Variants in MTA1 observed in about 807,000 individuals in gnomAD.
The protein encoded by MTA1 is metastasis-associated protein MTA1.
Under a neutral mutation model 97.0 loss-of-function variants are expected in MTA1, and 15 were observed. That is an observed-to-expected ratio of 0.15 (90% CI 0.10 to 0.24). The LOEUF (loss-of-function observed/expected upper bound fraction) is 0.24. Ranked by LOEUF, MTA1 falls within the 10% of genes least tolerant of loss-of-function variation. MTA1 has a pLI of 1.00. For missense variants in MTA1, 709 were observed against 1,015.1 expected, an observed-to-expected ratio of 0.70 and a Z score of 4.10; for synonymous variants, 435 against 417.5, an observed-to-expected ratio of 1.04 and a Z score of -0.51.
intron 16 of MTA1, 138 bp downstream of exon 16, chr14:105,465,321 G>A (rs1207966583): frequency 4.4e-6 from 3 of 685,502 alleles, no homozygotes; most frequent in Non-Finnish European, 6.7e-6. Context: ...CTGTCCTTTT[G>A]GGGTACTCTG....
chr14:105,449,401 G>A lies in MTA1; in HGVS notation c.233G>A (p.Gly78Asp). The A allele has an allele frequency of 6.2e-7, 1 of 1,611,908 alleles. No homozygotes were observed. The highest frequency in any genetic ancestry group is 8.5e-7 in the Non-Finnish European group (1 of 1,179,244). ...CYKAGPGADN[G>D]EEGEIEEEME... ...AAGGCCGGACCGGGGGCGGACAACG[G>A]CGAGGAAGGTAAGAGCCGGCCTCCG... Residue 78 changes from glycine to aspartate, a missense_variant, in exon 4 of 21, where the codon GGC becomes GAC. Coordinates refer to ENST00000331320, the MANE Select transcript of MTA1 (RefSeq NM_004689.4).
chr14:105,442,281 G>A (rs781940228), intron 2 of MTA1, among the ~76,000 whole-genome samples: 41 of 152,202 alleles, frequency 2.7e-4, no homozygotes, highest in Non-Finnish European at 4.6e-4. Context: ...TCCATCTCCC[G>A]GAAGGCAGAT....
chr14:105,423,844 T>C (rs189605495), intron 1 of MTA1, among the ~76,000 whole-genome samples: 14 of 152,350 alleles, frequency 9.2e-5, no homozygotes, highest in Non-Finnish European at 1.8e-4. Flanking sequence ...TTAAAAAAAA[T>C]GTCAGATTTG....
chr14:105,466,421 G>C lies in MTA1; in HGVS notation c.1625-5G>C, dbSNP rs1210515775. The C allele has an allele frequency of 7.5e-6, 12 of 1,599,978 alleles. No homozygotes were observed. Among genetic ancestry groups the C allele is most frequent in the South Asian group, 4.5e-5 (4 of 89,682 alleles). ...AACTCGTTCTGCCTGTGTCATTCCCGGCAGAGACCCACCCCCGCCCCCCCA... is the reference window on the plus strand; with the variant it reads ...AACTCGTTCTGCCTGTGTCATTCCCCGCAGAGACCCACCCCCGCCCCCCCA... On this transcript the variant is annotated splice_polypyrimidine_tract_variant and splice_region_variant and intron_variant, in intron 16 of 20. Coordinates refer to ENST00000331320, the MANE Select transcript of MTA1 (RefSeq NM_004689.4).
rs1354433032 is a variant in MTA1 at position 105,470,319 on chromosome 14, C to T, written c.*104C>T. ...CTCAGTTTGGTAGTGCCCCACCTCCCGCCCTCACCTGCAGAGAAACGCGCT... is the reference window on the plus strand; with the variant it reads ...CTCAGTTTGGTAGTGCCCCACCTCCTGCCCTCACCTGCAGAGAAACGCGCT... On this transcript the variant is annotated 3_prime_UTR_variant, in exon 21 of 21. Coordinates refer to ENST00000331320, the MANE Select transcript of MTA1 (RefSeq NM_004689.4). 9 of 995,954 alleles carry T rather than the reference C, an allele frequency of 9.0e-6. No homozygotes were observed. In the East Asian group the frequency reaches 1.0e-4, roughly 11 times the overall value. The allele number at this position is 995,954 out of a possible 1,614,324, so 61.7% of individuals were successfully genotyped here.
chr14:105,470,327 C>A lies in MTA1; in HGVS notation c.*112C>A. ...GGTAGTGCCCCACCTCCCGCCCTCA[C>A]CTGCAGAGAAACGCGCTCCTTGGCG... is the stretch of plus-strand genomic sequence containing the variant. On this transcript the variant is annotated 3_prime_UTR_variant, in exon 21 of 21. Coordinates refer to ENST00000331320, the MANE Select transcript of MTA1 (RefSeq NM_004689.4). 5 of 934,388 alleles carry A rather than the reference C, an allele frequency of 5.4e-6. No homozygotes were observed. The South Asian group carries it at 1.0e-4, about 19-fold the overall frequency. The allele number at this position is 934,388 out of a possible 1,614,324, so 57.9% of individuals were successfully genotyped here.
At position 105,465,189 on chromosome 14, in the gene MTA1, C is replaced by A. The variant is rs1555432420; in HGVS notation, c.1624+6C>A. 1.3e-6 allele frequency: 2 copies of A among 1,513,020 alleles called. No individual in the cohort carries two copies. Among genetic ancestry groups the A allele is most frequent in the Admixed American group, 4.0e-5 (2 of 49,850 alleles). 93.7% of individuals were successfully genotyped at this position (1,513,020 alleles called of 1,614,324 possible). ...AGCCGTGCTTCGGTATCTTGGTGAG[C>A]AGCCAGGCGTGCTGGGGGGCTCCCA... is the stretch of plus-strand genomic sequence containing the variant. On this transcript the variant is annotated splice_donor_region_variant and intron_variant, in intron 16 of 20. Coordinates refer to ENST00000331320, the MANE Select transcript of MTA1 (RefSeq NM_004689.4).
chr14:105,466,815 C>T, intron 18 of MTA1, 73 bp downstream of exon 18: 1 of 1,493,214 alleles, frequency 6.7e-7, no homozygotes, highest in Middle Eastern at 2.4e-4. Context: ...GCTCTGTGTC[C>T]CCGCGGCGGG....
intron 13 of MTA1, 74 bp downstream of exon 13, chr14:105,464,221 G>A: frequency 6.6e-7 from 1 of 1,505,062 alleles, no homozygotes; most frequent in Middle Eastern, 1.8e-4. Flanking sequence ...GGCCCTGAGG[G>A]CTCCAGCATG....
chr14:105,462,428 GCA>G (rs2083391999), intron 10 of MTA1, among the ~76,000 whole-genome samples: 1 of 152,064 alleles, frequency 6.6e-6, no homozygotes, highest in African/African-American at 2.4e-5. Flanking sequence ...AATTAGTCGG[GCA>G]TGGTGGCAGG....
chr14:105,460,956 G>A lies in MTA1; in HGVS notation c.942+3G>A. On this transcript the variant is annotated splice_donor_region_variant and intron_variant, in intron 10 of 20. Coordinates refer to ENST00000331320, the MANE Select transcript of MTA1 (RefSeq NM_004689.4). ...TCACGGACATTCAGCAAGATTTTGT[G>A]AGTACCGTGGGTGGCGATGGGGGAG... 1 of 1,607,792 alleles carries A rather than the reference G, an allele frequency of 6.2e-7. No homozygotes were observed. Among genetic ancestry groups the A allele is most frequent in the Admixed American group, 1.7e-5 (1 of 59,636 alleles).
At chr14:105,468,866 C>T (rs1025485913) in intron 18 of MTA1, 3 of 278,424 alleles carry the variant, frequency 1.1e-5, no homozygotes, top group African/African-American at 6.8e-5. Context: ...GGAGCATGGA[C>T]CCCGCTTCTT....
chr14:105,421,870 G>A (rs2081848570), intron 1 of MTA1, among the ~76,000 whole-genome samples: 1 of 152,200 alleles, frequency 6.6e-6, no homozygotes. Context: ...CCCTGTGCCC[G>A]CAGGCCCGTC....
At chr14:105,469,646 C>A in intron 19 of MTA1, 148 bp downstream of exon 19, 1 of 1,208,448 alleles carries the variant, frequency 8.3e-7, no homozygotes, top group Non-Finnish European at 1.2e-6. Context: ...CATGTGGGGG[C>A]CATGGCCCCT....
intron 2 of MTA1, among the ~76,000 whole-genome samples, chr14:105,441,073 C>T (rs2082494613): frequency 6.6e-6 from 1 of 152,130 alleles, no homozygotes; most frequent in Non-Finnish European, 1.5e-5. Context: ...AGAACAGGAA[C>T]CATGGTGACA....
chr14:105,466,363 G>C, intron 16 of MTA1, 63 bp from the exon 17 acceptor site: 1 of 1,470,030 alleles, frequency 6.8e-7, no homozygotes. Flanking sequence ...CTGGAGCCTG[G>C]GCCTGCCTGC....
intron 1 of MTA1, among the ~76,000 whole-genome samples, chr14:105,425,057 GA>G (rs1427774491): frequency 6.6e-6 from 1 of 152,200 alleles, no homozygotes; most frequent in Admixed American, 6.5e-5. Context: ...GATGCCAGAG[GA>G]GGTGCCGTGT....
rs1333207835 is a variant in MTA1, at chr14:105,463,385, G to A, written c.1018-108G>A. The A allele has an allele frequency of 1.3e-5, 20 of 1,500,464 alleles. No individual in the cohort carries two copies. The East Asian group carries it at 2.7e-4, about 20-fold the overall frequency. The allele number at this position is 1,500,464 out of a possible 1,614,324, so 92.9% of individuals were successfully genotyped here. A position where few individuals can be genotyped will look rare whatever the true frequency, so the allele number is the denominator to read the frequency against. On this transcript the variant is annotated intron_variant, in intron 11 of 20. Transcript: ENST00000331320. The surrounding 1 kb of genome is among the most constrained non-coding windows in gnomAD (Gnocchi z 5.9). ...AGGAAGACTCCTGAGTCCCTGGCCC[G>A]GCTGTCCTCTCCGTGGTGCTCTCCT... is the stretch of plus-strand genomic sequence containing the variant.
chr14:105,469,677 C>A, intron 19 of MTA1, 164 bp from the exon 20 acceptor site: 1 of 1,221,852 alleles, frequency 8.2e-7, no homozygotes, highest in Non-Finnish European at 1.1e-6. Context: ...CAGCGGTGTG[C>A]GGCCGACCAG....
Sources: allele counts gnomAD v4.1 joint callset (sites outside exome capture counted in the v4.1 genomes callset), GRCh38; gene constraint gnomAD v4.1.1; non-coding constraint Gnocchi (gnomAD v3.1); transcripts MANE v1.5; gene names NCBI Gene and HGNC (gene_info 2026-07-23, HGNC 2026-07-21).